ZYG11B: variants seen among roughly 807,000 people sequenced by gnomAD.
ZYG11B encodes zyg-11 family member B, cell cycle regulator.
In ZYG11B, 36 loss-of-function variants were observed where a neutral mutation model predicts 82.4. The ratio of observed to expected loss-of-function variants is 0.44; its 90% CI spans 0.33 to 0.58. ZYG11B has a LOEUF of 0.58. ZYG11B is among the 20% of genes least tolerant of loss of function. The pLI is 0.02. For missense variants in ZYG11B, 552 were observed against 895.6 expected (o/e 0.62, Z 4.90); for synonymous variants, 303 against 312.8 (o/e 0.97, Z 0.33).
intron 1 of ZYG11B, among the ~76,000 whole-genome samples, chr1:52,749,321 A>C (rs2149925821): frequency 6.6e-6 from 1 of 152,346 alleles, no homozygotes; most frequent in East Asian, 1.9e-4. Context: ...AGGAATAGTA[A>C]GTGCTAGGTT....
At chr1:52,738,942 G>A (rs1302970552) in intron 1 of ZYG11B, among the ~76,000 whole-genome samples, 1 of 143,750 alleles carries the variant, frequency 7.0e-6, no homozygotes, top group Non-Finnish European at 1.5e-5. Context: ...GAATATTCTT[G>A]GTTATATAAC....
At chr1:52,741,260 T>C (rs1644427299) in intron 1 of ZYG11B, among the ~76,000 whole-genome samples, 1 of 125,808 alleles carries the variant, frequency 7.9e-6, no homozygotes, top group African/African-American at 3.0e-5. Flanking sequence ...ATTGCACCAT[T>C]GCACTCCAGC....
chr1:52,770,092 A>ATTTTTT (rs33953020), intron 2 of ZYG11B, among the ~76,000 whole-genome samples: 23 of 94,466 alleles, frequency 2.4e-4, no homozygotes, highest in Non-Finnish European at 4.2e-4. Context: ...ATATATATAT[A>ATTTTTT]TTTTTTTTTT....
intron 6 of ZYG11B, among the ~76,000 whole-genome samples, chr1:52,790,406 G>A (rs1256161455): frequency 6.6e-6 from 1 of 152,088 alleles, no homozygotes; most frequent in Non-Finnish European, 1.5e-5. Context: ...TCTTGACTAT[G>A]GCTTTGTGTC....
intron 2 of ZYG11B, among the ~76,000 whole-genome samples, chr1:52,760,870 C>T (rs928624887): frequency 4.6e-5 from 7 of 150,808 alleles, no homozygotes; most frequent in Non-Finnish European, 8.8e-5. Flanking sequence ...TCATTTGATC[C>T]TCCTGGCTTA....
chr1:52,767,016 A>AG (rs1360480284), intron 2 of ZYG11B, among the ~76,000 whole-genome samples: 1 of 151,166 alleles, frequency 6.6e-6, no homozygotes, highest in African/African-American at 2.4e-5. Context: ...CAAAAAAAAA[A>AG]AAATTATTTT....
chr1:52,808,181 G>A (rs1645156385), intron 10 of ZYG11B, among the ~76,000 whole-genome samples: 1 of 152,092 alleles, frequency 6.6e-6, no homozygotes, highest in Non-Finnish European at 1.5e-5. Context: ...TGGCCAACAT[G>A]GCGAAACTCC....
intron 10 of ZYG11B, among the ~76,000 whole-genome samples, chr1:52,810,801 A>C (rs1645175753): frequency 6.6e-6 from 1 of 152,170 alleles, no homozygotes; most frequent in Non-Finnish European, 1.5e-5. Context: ...TTAGGAGGCC[A>C]AGGCGGGCGG....
At chr1:52,817,785 A>G (rs1206456017) in intron 13 of ZYG11B, among the ~76,000 whole-genome samples, 407 of 25,442 alleles carry the variant, frequency 0.016, 7 homozygotes, top group African/African-American at 0.057. Context: ...GTGTATATAT[A>G]TATATATATA....
At chr1:52,770,751 G>A (rs1010034528) in intron 2 of ZYG11B, among the ~76,000 whole-genome samples, 5 of 152,170 alleles carry the variant, frequency 3.3e-5, no homozygotes, top group Non-Finnish European at 7.3e-5. Flanking sequence ...TGTCTGGTAA[G>A]GTAAGAACTA....
At chr1:52,731,018 A>G (rs1571735555) in intron 1 of ZYG11B, among the ~76,000 whole-genome samples, 1 of 152,068 alleles carries the variant, frequency 6.6e-6, no homozygotes, top group African/African-American at 2.4e-5. Context: ...CATGCCTGTA[A>G]TCCCAGCAGT....
intron 8 of ZYG11B, among the ~76,000 whole-genome samples, chr1:52,797,178 A>T (rs866417829): frequency 1.0e-4 from 8 of 79,148 alleles, no homozygotes; most frequent in African/African-American, 4.1e-4. Flanking sequence ...TATTATATAT[A>T]TTTATATATT....
At chr1:52,742,670 G>A (rs1386162233) in intron 1 of ZYG11B, among the ~76,000 whole-genome samples, 3 of 151,646 alleles carry the variant, frequency 2.0e-5, no homozygotes, top group Admixed American at 6.6e-5. Flanking sequence ...GTGAAGCCTC[G>A]TCTCTACTAA....
chr1:52,819,182 G>A (rs1490687165), intron 13 of ZYG11B, among the ~76,000 whole-genome samples: 1 of 152,196 alleles, frequency 6.6e-6, no homozygotes, highest in African/African-American at 2.4e-5. Context: ...TGAATGGGAT[G>A]TGACCGAGAA....
intron 1 of ZYG11B, among the ~76,000 whole-genome samples, chr1:52,740,313 T>A (rs1181333871): frequency 6.6e-6 from 1 of 152,208 alleles, no homozygotes. Flanking sequence ...TGATCTTTTT[T>A]AGGTAGAACT....
intron 3 of ZYG11B, among the ~76,000 whole-genome samples, chr1:52,775,627 G>T (rs1644797274): frequency 6.6e-6 from 1 of 152,034 alleles, no homozygotes; most frequent in Admixed American, 6.5e-5. Context: ...GGAGGCGGAG[G>T]TTATAGTGAG....
chr1:52,814,704 T>TACACACAC (rs10644507), intron 12 of ZYG11B, among the ~76,000 whole-genome samples: 26 of 92,038 alleles, frequency 2.8e-4, no homozygotes, highest in African/African-American at 5.9e-4. Context: ...CAAATGTAAA[T>TACACACAC]ACACACACAC....
In ZYG11B at chr1:52,726,693, C is replaced by T; in HGVS notation, c.30+10C>T. 6.8e-7 allele frequency: 1 copy of T among 1,477,218 alleles called. No homozygotes were observed. Among genetic ancestry groups the T allele is most frequent in the Non-Finnish European group, 8.9e-7 (1 of 1,120,268 alleles). The allele number at this position is 1,477,218 out of a possible 1,614,324, so 91.5% of individuals were successfully genotyped here. ...GGCCGGCGCAGCCATGGTGAGGGAG[C>T]AAGGCCTGCCCTAGCCGCAGCCGCC... On this transcript the variant is annotated intron_variant, in intron 1 of 13. Transcript: ENST00000294353.
chr1:52,766,182 G>A (rs1210657787), intron 2 of ZYG11B, among the ~76,000 whole-genome samples: 7 of 146,688 alleles, frequency 4.8e-5, no homozygotes, highest in African/African-American at 1.8e-4. Flanking sequence ...GTGCAGTGGT[G>A]CGATCTTGGC....
Sources: allele counts gnomAD v4.1 joint callset (sites outside exome capture counted in the v4.1 genomes callset), GRCh38; gene constraint gnomAD v4.1.1; transcripts MANE v1.5; gene names NCBI Gene and HGNC (gene_info 2026-07-23, HGNC 2026-07-21).